E2F5: variants seen among roughly 807,000 people sequenced by gnomAD.
E2F5 encodes transcription factor E2F5.
In E2F5, 23 loss-of-function variants were observed where a neutral mutation model predicts 39.1. That is an observed-to-expected ratio of 0.59 (90% confidence interval 0.42 to 0.83). E2F5 has a LOEUF of 0.83. E2F5 is among the 40% of genes least tolerant of loss of function. The pLI is 0.00. For synonymous variants in E2F5, 145 were observed against 157.8 expected (o/e 0.92, Z 0.61); for missense variants, 365 against 406.7 (o/e 0.90, Z 0.88).
At chr8:85,177,723 G>T in intron 1 of E2F5, 69 bp downstream of exon 1, 1 of 1,183,134 alleles carries the variant, frequency 8.5e-7, no homozygotes. Flanking sequence ...CCAGCCCCTC[G>T]CCGCGTGGGT....
chr8:85,213,576 C>A, intron 7 of E2F5, 177 bp from the exon 8 acceptor site: 3 of 223,846 alleles, frequency 1.3e-5, no homozygotes, highest in Admixed American at 5.9e-5. Context: ...AAATTAACTT[C>A]TGTTTCTCAA....
chr8:85,186,178 C>T lies in E2F5; in HGVS notation c.234+8524C>T, dbSNP rs184082121. On this transcript the variant is annotated intron_variant, in intron 1 of 7. Coordinates refer to ENST00000416274, the MANE Select transcript of E2F5 (RefSeq NM_001951.4). Reference sequence around the variant, plus strand: ...TATACACCATGGAATACTATGCAGCCGTAAGAAAGGATGAGTTCATGTCCT... The same window carrying T: ...TATACACCATGGAATACTATGCAGCTGTAAGAAAGGATGAGTTCATGTCCT... Among the ~76,000 whole-genome samples, 39 of 152,152 alleles carry T rather than the reference C, an allele frequency of 2.6e-4. No individual in the cohort carries two copies. The South Asian group carries it at 2.7e-3, about 11-fold the overall frequency.
intron 1 of E2F5, among the ~76,000 whole-genome samples, chr8:85,199,971 G>A (rs1257231520): frequency 1.3e-5 from 2 of 152,124 alleles, no homozygotes; most frequent in Non-Finnish European, 2.9e-5. Context: ...GACTGGCTGG[G>A]TGCCATGGCT....
Position 85,177,397 on chromosome 8 carries a change from C to A in E2F5, c.-24C>A. On this transcript the variant is annotated 5_prime_UTR_variant, in exon 1 of 8. Coordinates refer to ENST00000416274, the MANE Select transcript of E2F5 (RefSeq NM_001951.4). ...CGGCGAGCGAAAGTGCGCGGGGGCC[C>A]GACCACCGCGGGGCCGGGACGCGAT... The A allele has an allele frequency of 1.0e-6, 1 of 987,196 alleles. No individual in the cohort carries two copies. Among genetic ancestry groups the A allele is most frequent in the Non-Finnish European group, 1.2e-6 (1 of 832,112 alleles). 61.2% of individuals were successfully genotyped at this position (987,196 alleles called of 1,614,324 possible).
intron 6 of E2F5, 53 bp from the exon 7 acceptor site, chr8:85,212,104 G>T: frequency 1.5e-6 from 2 of 1,375,384 alleles, no homozygotes; most frequent in South Asian, 2.4e-5. Context: ...GTTTAAATAT[G>T]AGTATCTTTT....
intron 4 of E2F5, among the ~76,000 whole-genome samples, chr8:85,206,950 GT>G (rs920969925): frequency 1.3e-5 from 2 of 152,130 alleles, no homozygotes; most frequent in African/African-American, 4.8e-5. Flanking sequence ...TATTTCCTGA[GT>G]TTTTTAAGGA....
intron 1 of E2F5, among the ~76,000 whole-genome samples, chr8:85,196,612 A>G (rs541903097): frequency 2.0e-5 from 3 of 152,216 alleles, no homozygotes. Context: ...TTGAAATCAT[A>G]TAAGTCCATT....
chr8:85,181,100 A>C (rs888705415), intron 1 of E2F5, among the ~76,000 whole-genome samples: 18 of 151,526 alleles, frequency 1.2e-4, no homozygotes, highest in Admixed American at 9.2e-4. Context: ...CTGGTCTCGA[A>C]CTCCTGAGCT....
intron 6 of E2F5, among the ~76,000 whole-genome samples, chr8:85,211,277 G>A (rs1482497214): frequency 6.6e-6 from 1 of 151,536 alleles, no homozygotes; most frequent in African/African-American, 2.4e-5. Flanking sequence ...ACGTGTGCCT[G>A]TGGTCCCAGC....
intron 1 of E2F5, among the ~76,000 whole-genome samples, chr8:85,196,226 G>T (rs1051824287): frequency 9.2e-5 from 14 of 151,938 alleles, no homozygotes; most frequent in African/African-American, 2.7e-4. Flanking sequence ...TTATTGATTT[G>T]GTAGCCCTTA....
At position 85,177,435 on chromosome 8, in the gene E2F5, G is replaced by A. The variant is rs1812106119; in HGVS notation, c.15G>A (p.Glu5=). 1 of 991,166 alleles carries A rather than the reference G, an allele frequency of 1.0e-6. No homozygotes were observed. Among genetic ancestry groups the A allele is most frequent in the African/African-American group, 1.8e-5 (1 of 57,054 alleles). The allele number at this position is 991,166 out of a possible 1,614,324, so 61.4% of individuals were successfully genotyped here. Residue 5 remains glutamate, a synonymous_variant, in exon 1 of 8, where the codon GAG becomes GAA. Transcript: ENST00000416274. The stretch of plus-strand genomic sequence containing the variant: ...GCCGGGACGCGATGGCGGCGGCAGA[G>A]CCCGCGAGCTCGGGCCAGCAGGCGC... MAAA[E]PASSGQQAPA... is the part of the protein sequence containing the mutation.
chr8:85,196,084 C>T (rs968561981), intron 1 of E2F5, among the ~76,000 whole-genome samples: 6 of 152,056 alleles, frequency 3.9e-5, no homozygotes, highest in South Asian at 4.1e-4. Context: ...AGTGACAAGA[C>T]GACCCCTGAA....
rs58188216 is a variant in E2F5, at chr8:85,180,511, CATATATATATATATATATATATATATAT to C, written c.234+2874_234+2901del. Among the ~76,000 whole-genome samples, 77 of 80,862 alleles carry C rather than the reference CATATATATATATATATATATATATATAT, an allele frequency of 9.5e-4. 1 individual carries two copies. The highest frequency in any genetic ancestry group is 2.3e-3 in the East Asian group (4 of 1,772). 53.0% of individuals were successfully genotyped at this position (80,862 alleles called of 152,430 possible). A position where few individuals can be genotyped will look rare whatever the true frequency, so the allele number is the denominator to read the frequency against. On this transcript the variant is annotated intron_variant, in intron 1 of 7. Coordinates refer to ENST00000416274, the MANE Select transcript of E2F5 (RefSeq NM_001951.4). ...TTTAAACGCAGTTAAAGAAACTATA[CATATATATATATATATATATATATATAT>C]ATATATATATATATATGGTTTTTTG...
intron 3 of E2F5, 132 bp from the exon 4 acceptor site, chr8:85,206,041 CTTTT>C: frequency 5.2e-6 from 4 of 763,370 alleles, no homozygotes; most frequent in Non-Finnish European, 6.4e-6. Flanking sequence ...GACTAGACTT[CTTTT>C]TTTGTCTGTC....
chr8:85,199,495 A>C (rs542073640), intron 1 of E2F5, among the ~76,000 whole-genome samples: 3 of 152,318 alleles, frequency 2.0e-5, no homozygotes, highest in African/African-American at 7.2e-5. Flanking sequence ...CCCAGAACCA[A>C]GCCTGGAACA....
intron 1 of E2F5, among the ~76,000 whole-genome samples, chr8:85,196,056 C>T (rs1812572686): frequency 6.6e-6 from 1 of 151,984 alleles, no homozygotes; most frequent in Non-Finnish European, 1.5e-5. Flanking sequence ...ATATCAAATA[C>T]AGTAGCAGTT....
At chr8:85,177,944 C>A in intron 1 of E2F5, 1 of 231,438 alleles carries the variant, frequency 4.3e-6, no homozygotes, top group Non-Finnish European at 7.5e-6. Flanking sequence ...TGGCTTCTGT[C>A]TCCGGGCGCA....
At chr8:85,208,497 C>T (rs749581002) in intron 5 of E2F5, among the ~76,000 whole-genome samples, 5 of 152,036 alleles carry the variant, frequency 3.3e-5, no homozygotes, top group Non-Finnish European at 5.9e-5. Context: ...TCATGATTTT[C>T]GTTTTCAGAT....
Position 85,202,199 on chromosome 8 carries a change from A to G in E2F5, c.287A>G (p.Asn96Ser), listed in dbSNP as rs974697865. ...AAAAGGAGAATTTATGATATCACCA[A>G]TGTCTTAGAGGGAATTGACTTGATT... is the stretch of plus-strand genomic sequence containing the variant. The part of the protein sequence containing the change: ...RQKRRIYDIT[N>S]VLEGIDLIEK... The change falls in exon 2 of 8, where the codon AAT becomes AGT. Residue 96 changes from asparagine (N) to serine (S), a missense_variant. Asn to Ser is a conservative substitution (Grantham distance 46, BLOSUM62 1). Transcript: ENST00000416274. The G allele has an allele frequency of 3.1e-6, 5 of 1,612,954 alleles. No homozygotes were observed. In the South Asian group the frequency reaches 3.3e-5, roughly 11 times the overall value.
Sources: gnomAD v4.1 joint callset for allele counts (sites outside exome capture counted in the v4.1 genomes callset) on GRCh38, gnomAD v4.1.1 for gene constraint, MANE v1.5 for transcripts, NCBI Gene and HGNC (gene_info 2026-07-23, HGNC 2026-07-21) for gene names.